The following ANXA11 variants were observed in gnomAD, a reference collection of about 807,000 sequenced individuals.
ANXA11 encodes 56 kDa autoantigen.
In ANXA11, 57 loss-of-function variants were observed where a neutral mutation model predicts 64.7. The ratio of observed to expected loss-of-function variants is 0.88; its 90% confidence interval spans 0.71 to 1.10. ANXA11 has a LOEUF of 1.10. ANXA11 is among the 50% of genes least tolerant of loss of function. The pLI is 0.00. For missense variants in ANXA11, 675 were observed against 670.7 expected (o/e 1.01, Z -0.07); for synonymous variants, 260 against 265.2 (o/e 0.98, Z 0.19).
intron 1 of ANXA11, among the ~76,000 whole-genome samples, chr10:80,195,500 T>C (rs1250344696): frequency 2.0e-5 from 3 of 152,148 alleles, no homozygotes; most frequent in African/African-American, 7.2e-5. Context: ...GGGACATGCA[T>C]GATGGAGAGA....
intron 2 of ANXA11, among the ~76,000 whole-genome samples, chr10:80,174,569 G>A (rs1490430242): frequency 2.0e-5 from 3 of 149,734 alleles, no homozygotes; most frequent in Non-Finnish European, 4.4e-5. Flanking sequence ...GAGCCACCAT[G>A]CCTGGCCTAC....
At chr10:80,198,060 C>G (rs1456655245) in intron 1 of ANXA11, among the ~76,000 whole-genome samples, 1 of 152,216 alleles carries the variant, frequency 6.6e-6, no homozygotes, top group Non-Finnish European at 1.5e-5. Context: ...CAGCAGATGA[C>G]TCTCGGGGCA....
intron 5 of ANXA11, 107 bp downstream of exon 5, chr10:80,168,862 G>T: frequency 8.0e-7 from 1 of 1,242,428 alleles, no homozygotes; most frequent in Non-Finnish European, 1.1e-6. Context: ...AACAAGAAGT[G>T]CAGCTGGAGG....
chr10:80,172,349 C>T (rs556336672), intron 3 of ANXA11, among the ~76,000 whole-genome samples: 1 of 152,282 alleles, frequency 6.6e-6, no homozygotes, highest in Non-Finnish European at 1.5e-5. Flanking sequence ...AACCCACACA[C>T]CTTGAGCAGA....
chr10:80,163,302 G>A (rs773544737), intron 11 of ANXA11, 47 bp downstream of exon 11: 5 of 1,605,404 alleles, frequency 3.1e-6, no homozygotes, highest in Non-Finnish European at 4.3e-6. Flanking sequence ...AGAAAGCGGG[G>A]TGCATCCCTG....
At chr10:80,198,846 A>G (rs1173627140) in intron 1 of ANXA11, among the ~76,000 whole-genome samples, 1 of 152,208 alleles carries the variant, frequency 6.6e-6, no homozygotes, top group African/African-American at 2.4e-5. Context: ...ACGATGAGAA[A>G]CTTAACCCAA....
At chr10:80,166,036 ACGCGCG>A (rs746498821) in intron 8 of ANXA11, 42 bp downstream of exon 8, 4 of 973,180 alleles carry the variant, frequency 4.1e-6, no homozygotes, top group South Asian at 1.6e-5. Context: ...GTGCGCACAC[ACGCGCG>A]CACACACACA....
At chr10:80,163,482 C>T in intron 10 of ANXA11, 52 bp downstream of exon 10, 8 of 1,607,702 alleles carry the variant, frequency 5.0e-6, no homozygotes, top group Non-Finnish European at 6.8e-6. Context: ...GGGATCCCAT[C>T]TCTTTGACTT....
rs915731229 is a variant in ANXA11 at position 80,157,321 on chromosome 10, G to T, written c.1458+320C>A. 1.4e-5 allele frequency: 14 copies of T among 985,268 alleles called. No homozygotes were observed. The African/African-American group carries it at 2.4e-4, about 17-fold the overall frequency. The allele number at this position is 985,268 out of a possible 1,614,324, so 61.0% of individuals were successfully genotyped here. A position where few individuals can be genotyped will look rare whatever the true frequency, so the allele number is the denominator to read the frequency against. The stretch of plus-strand genomic sequence containing the variant: ...ACAGCAGAGCTCCACAGAGCCTTTG[G>T]GACATGAGTTCTCACTGACAGATCA... On this transcript the variant is annotated intron_variant, in intron 15 of 15. Coordinates refer to ENST00000422982, the MANE Select transcript of ANXA11 (RefSeq NM_145868.2).
At chr10:80,196,896 C>A (rs1160235759) in intron 1 of ANXA11, among the ~76,000 whole-genome samples, 1 of 152,208 alleles carries the variant, frequency 6.6e-6, no homozygotes, top group Non-Finnish European at 1.5e-5. Flanking sequence ...TGGAGAAACT[C>A]CAGACAAGGC....
rs1164631341 is a variant in ANXA11, at chr10:80,188,630, C to T, written c.-57-12475G>A. Among the ~76,000 whole-genome samples the T allele has an allele frequency of 2.6e-5, 4 of 151,816 alleles. No individual in the cohort carries two copies. In the South Asian group the frequency reaches 6.2e-4, roughly 24 times the overall value. On this transcript the variant is annotated intron_variant, in intron 1 of 15. Transcript: ENST00000422982. The stretch of plus-strand genomic sequence containing the variant: ...ACGCAACTGCTTGCTGTGTGACCCC[C>T]CTGGGCAACTTAACCTCTCCGAACC...
intron 8 of ANXA11, 87 bp downstream of exon 8, chr10:80,165,997 C>G: frequency 1.2e-6 from 1 of 829,932 alleles, no homozygotes; most frequent in South Asian, 1.7e-5. Flanking sequence ...AGGCCTCCTT[C>G]TGGGCTGTGT....
intron 1 of ANXA11, 73 bp downstream of exon 1, chr10:80,205,270 C>T (rs1161405518): frequency 1.3e-5 from 2 of 151,796 alleles, no homozygotes; most frequent in African/African-American, 4.8e-5. Flanking sequence ...AGCCCCGGGC[C>T]TCACCCGCGG....
chr10:80,203,044 C>CAAAAA (rs11444706), intron 1 of ANXA11, among the ~76,000 whole-genome samples: 2 of 85,260 alleles, frequency 2.3e-5, no homozygotes, highest in African/African-American at 8.9e-5. Context: ...AAATCTGTCT[C>CAAAAA]AAAAAAAAAA....
chr10:80,164,951 C>T (rs886966773), intron 8 of ANXA11, among the ~76,000 whole-genome samples: 3 of 152,352 alleles, frequency 2.0e-5, no homozygotes, highest in Admixed American at 6.5e-5. Flanking sequence ...GTATTCCCAG[C>T]ATGTCCTGAG....
At chr10:80,197,041 A>C (rs1224161416) in intron 1 of ANXA11, among the ~76,000 whole-genome samples, 2 of 152,240 alleles carry the variant, frequency 1.3e-5, no homozygotes, top group East Asian at 3.8e-4. Flanking sequence ...ATCCTAAAAT[A>C]CTGGAGCTGG....
intron 12 of ANXA11, among the ~76,000 whole-genome samples, chr10:80,160,139 C>G (rs747091489): frequency 2.6e-5 from 4 of 152,240 alleles, no homozygotes; most frequent in Non-Finnish European, 4.4e-5. Flanking sequence ...GATTTCTGCT[C>G]TGTGTGTATC....
At position 80,188,480 on chromosome 10, in the gene ANXA11, C is replaced by CATATATATATATATATATATATAT. The variant is rs71034291; in HGVS notation, c.-57-12349_-57-12326dup. Reference sequence around the variant, plus strand: ...CAGCTGTGAGAATGTAGTATTCTCACATATATATATATATATATATATATA... The same window carrying CATATATATATATATATATATATAT: ...CAGCTGTGAGAATGTAGTATTCTCACATATATATATATATATATATATATATATATATATATATATATATATATA... On this transcript the variant is annotated intron_variant, in intron 1 of 15. Transcript: ENST00000422982. Among the ~76,000 whole-genome samples the CATATATATATATATATATATATAT allele has an allele frequency of 2.2e-4, 22 of 100,584 alleles. 1 individual carries two copies. Among genetic ancestry groups the CATATATATATATATATATATATAT allele is most frequent in the East Asian group, 3.3e-4 (1 of 2,994 alleles). The allele number at this position is 100,584 out of a possible 152,430, so 66.0% of individuals were successfully genotyped here.
At chr10:80,200,860 T>C (rs1840388546) in intron 1 of ANXA11, among the ~76,000 whole-genome samples, 1 of 152,158 alleles carries the variant, frequency 6.6e-6, no homozygotes, top group South Asian at 2.1e-4. Context: ...ACATGCTTCA[T>C]TCACTCATTC....
Sources: gnomAD v4.1 joint callset for allele counts (sites outside exome capture counted in the v4.1 genomes callset) on GRCh38, gnomAD v4.1.1 for gene constraint, MANE v1.5 for transcripts, NCBI Gene and HGNC (gene_info 2026-07-23, HGNC 2026-07-21) for gene names.